The following HERC1 variants were observed in gnomAD, a reference collection of about 807,000 sequenced individuals.
HERC1 encodes the protein HECT and RLD domain containing E3 ubiquitin protein ligase family member 1.
In HERC1, 160 loss-of-function variants were observed where a neutral mutation model predicts 554.3. That is an observed-to-expected ratio of 0.29 (90% CI 0.25 to 0.33). The LOEUF is 0.33. Among genes scored for constraint, HERC1 ranks in the 10% least tolerant of loss-of-function variants. The pLI, the probability that HERC1 is intolerant of heterozygous loss-of-function variation, is 1.00. For missense variants in HERC1, 4,919 were observed against 5,918.5 expected (o/e 0.83, Z 5.54); for synonymous variants, 2,175 against 2,131.7 (o/e 1.02, Z -0.56).
At chr15:63,810,249 C>G (rs1213762347) in intron 1 of HERC1, among the ~76,000 whole-genome samples, 1 of 152,048 alleles carries the variant, frequency 6.6e-6, no homozygotes, top group Non-Finnish European at 1.5e-5. Flanking sequence ...TCATAATAAT[C>G]AAAAGGCAGA....
chr15:63,729,456 G>A lies in HERC1; in HGVS notation c.3021+41C>T, dbSNP rs758120518. 1.9e-6 allele frequency: 3 copies of A among 1,598,634 alleles called. No homozygotes were observed. The East Asian group carries it at 6.7e-5, about 36-fold the overall frequency. On this transcript the variant is annotated intron_variant, in intron 15 of 77. Coordinates refer to ENST00000443617, the MANE Select transcript of HERC1 (RefSeq NM_003922.4). ...GCCTATCCAAATATCTGAGTTTCAA[G>A]GTCCCTGATAGATCACCATAAAAGA...
At position 63,628,712 on chromosome 15, in the gene HERC1, G is replaced by A. The variant is rs2152791761; in HGVS notation, c.13070C>T (p.Ala4357Val). Residue 4357 changes from alanine (A) to valine (V), a missense_variant, in exon 70 of 78, where the codon GCA becomes GTA. Physicochemically the swap from Ala to Val is moderately conservative, Grantham distance 64 (BLOSUM62 0). This residue lies in a region of HERC1 where 410 missense variants were observed against 467.0 expected (regional missense o/e 0.88). Coordinates refer to ENST00000443617, the MANE Select transcript of HERC1 (RefSeq NM_003922.4). ...TGGTGGGACAGGTGGTGCTGTCCAT[G>A]CAGCACTGTGGCAGCGGCCAGCCGA... ...QISAGRCHSAAWTAPPVPPRA... is the reference protein window; with the variant it reads ...QISAGRCHSAVWTAPPVPPRA... The A allele has an allele frequency of 1.2e-6, 2 of 1,613,830 alleles. No individual in the cohort carries two copies. Among genetic ancestry groups the A allele is most frequent in the Non-Finnish European group, 1.7e-6 (2 of 1,179,806 alleles).
chr15:63,672,276 C>T (rs758900708), intron 39 of HERC1, among the ~76,000 whole-genome samples: 2 of 152,260 alleles, frequency 1.3e-5, no homozygotes, highest in South Asian at 2.1e-4. Flanking sequence ...GCTGATTAGA[C>T]CTGGGATCAC....
chr15:63,698,361 T>C (rs564621341), intron 26 of HERC1, among the ~76,000 whole-genome samples: 2 of 145,196 alleles, frequency 1.4e-5, no homozygotes, highest in African/African-American at 5.2e-5. Flanking sequence ...GAGGTTCCAG[T>C]GAGTCAAGAT....
At chr15:63,690,513 ATCT>A in intron 32 of HERC1, 25 bp downstream of exon 32, 1 of 1,460,040 alleles carries the variant, frequency 6.8e-7, no homozygotes, top group Non-Finnish European at 9.5e-7. Flanking sequence ...TATGGAAAAC[ATCT>A]TCTAATAATT....
At chr15:63,708,421 T>C (rs1376840590) in intron 24 of HERC1, among the ~76,000 whole-genome samples, 1 of 152,226 alleles carries the variant, frequency 6.6e-6, no homozygotes, top group African/African-American at 2.4e-5. Context: ...TCTCAGCCTT[T>C]TTCAGTCCTA....
Position 63,649,944 on chromosome 15 carries a change from T to C in HERC1, c.10547-19A>G. The C allele has an allele frequency of 1.3e-6, 2 of 1,537,648 alleles. No homozygotes were observed. Among genetic ancestry groups the C allele is most frequent in the South Asian group, 1.2e-5 (1 of 83,698 alleles). ...TTTCCTCCTAAAAGGGAAAAAATGT[T>C]AACTAGTTTTTACTTAATTCTTAAA... On this transcript the variant is annotated intron_variant, in intron 53 of 77. Transcript: ENST00000443617.
intron 1 of HERC1, chr15:63,780,149 C>T (rs1051649247): frequency 2.0e-5 from 3 of 151,892 alleles, no homozygotes; most frequent in Admixed American, 6.6e-5. Flanking sequence ...TTTGTTCATC[C>T]AAGGACAAAG....
At position 63,746,964 on chromosome 15, in the gene HERC1, A is replaced by C; in HGVS notation, c.2474T>G (p.Leu825Trp). Reference sequence around the variant, plus strand: ...AGTTGAGTCCATCAGTCTGAAGAGCAAATTTCGAAGTGGACCTGCCTGCCT... The same window carrying C: ...AGTTGAGTCCATCAGTCTGAAGAGCCAATTTCGAAGTGGACCTGCCTGCCT... ...LGRQAGPLRN[L>W]LFRLMDSTVP... Residue 825 changes from leucine to tryptophan, a missense_variant, in exon 12 of 78, where the codon TTG (leucine) becomes TGG (tryptophan). Leu to Trp is a moderately conservative substitution (Grantham distance 61). This residue lies in a region of HERC1 where 744 missense variants were observed against 1,090.0 expected (regional missense o/e 0.68). Coordinates refer to ENST00000443617, the MANE Select transcript of HERC1 (RefSeq NM_003922.4). The C allele has an allele frequency of 6.4e-7, 1 of 1,555,124 alleles. No homozygotes were observed.
intron 48 of HERC1, among the ~76,000 whole-genome samples, 162 bp from the exon 49 acceptor site, chr15:63,656,520 T>C (rs911709938): frequency 3.9e-5 from 6 of 152,258 alleles, no homozygotes; most frequent in Admixed American, 1.3e-4. Flanking sequence ...GGTATCAAGC[T>C]GGAAACTGGC....
At chr15:63,696,675 G>C (rs962407399) in intron 26 of HERC1, among the ~76,000 whole-genome samples, 1 of 152,024 alleles carries the variant, frequency 6.6e-6, no homozygotes, top group African/African-American at 2.4e-5. Flanking sequence ...TATAAAATAA[G>C]ACTAATAATA....
At chr15:63,628,203 C>T (rs2152788166) in intron 70 of HERC1, among the ~76,000 whole-genome samples, 1 of 152,228 alleles carries the variant, frequency 6.6e-6, no homozygotes, top group East Asian at 1.9e-4. Context: ...CCAGCCTGGC[C>T]AACATGGCGA....
intron 67 of HERC1, 60 bp downstream of exon 67, chr15:63,633,788 A>G (rs1351850610): frequency 4.6e-6 from 7 of 1,533,006 alleles, no homozygotes; most frequent in Non-Finnish European, 5.3e-6. Flanking sequence ...AATAATAACT[A>G]CTGACATAGA....
At chr15:63,616,780 G>T in intron 74 of HERC1, 98 bp from the exon 75 acceptor site, 3 of 1,028,856 alleles carry the variant, frequency 2.9e-6, no homozygotes, top group Non-Finnish European at 4.3e-6. Context: ...TACCTGTACT[G>T]TTCAATATGG....
chr15:63,609,378 GT>G (rs2067491174), intron 77 of HERC1, 112 bp from the exon 78 acceptor site: 1 of 924,508 alleles, frequency 1.1e-6, no homozygotes, highest in Non-Finnish European at 1.6e-6. Flanking sequence ...TGGCCACATG[GT>G]TAAGTCAAGT....
At chr15:63,781,563 C>G (rs891302786) in intron 1 of HERC1, among the ~76,000 whole-genome samples, 1 of 152,156 alleles carries the variant, frequency 6.6e-6, no homozygotes, top group Non-Finnish European at 1.5e-5. Context: ...TTTGACTGCT[C>G]TACCAACCAA....
At chr15:63,827,326 G>A (rs532547662) in intron 1 of HERC1, among the ~76,000 whole-genome samples, 2 of 151,986 alleles carry the variant, frequency 1.3e-5, no homozygotes, top group Non-Finnish European at 2.9e-5. Flanking sequence ...GGTGGCTGAT[G>A]AAGGAGGATC....
chr15:63,829,495 TATATACACACACACAC>T (rs2078063370), intron 1 of HERC1, among the ~76,000 whole-genome samples: 1 of 65,292 alleles, frequency 1.5e-5, no homozygotes, highest in African/African-American at 3.9e-5. Context: ...TATATATATA[TATATACACACACACAC>T]ATATATAAAT....
Position 63,749,871 on chromosome 15 carries a change from A to G in HERC1, c.1903-80T>C. On this transcript the variant is annotated intron_variant, in intron 8 of 77. Transcript: ENST00000443617. This position sits in a 1 kb window ranked among gnomAD's most constrained non-coding sequence, Gnocchi z 4.1. Reference sequence around the variant, plus strand: ...GCTTTAGGGATAAATGAAATCTATGAAACTAAAGTGTGGTTTGATAGTAAA... The same window carrying G: ...GCTTTAGGGATAAATGAAATCTATGGAACTAAAGTGTGGTTTGATAGTAAA... 1 of 1,180,690 alleles carries G rather than the reference A, an allele frequency of 8.5e-7. No homozygotes were observed. The highest frequency in any genetic ancestry group is 1.2e-6 in the Non-Finnish European group (1 of 866,972). The allele number at this position is 1,180,690 out of a possible 1,614,324, so 73.1% of individuals were successfully genotyped here.
Sources: allele counts gnomAD v4.1 joint callset (sites outside exome capture counted in the v4.1 genomes callset), GRCh38; gene constraint gnomAD v4.1.1; regional missense constraint gnomAD v4.1.1; non-coding constraint Gnocchi (gnomAD v3.1); transcripts MANE v1.5; gene names NCBI Gene and HGNC (gene_info 2026-07-23, HGNC 2026-07-21).